The following MARCHF4 variants were observed in gnomAD, a reference collection of about 807,000 sequenced individuals.
MARCHF4 encodes the protein E3 ubiquitin-protein ligase MARCHF4.
A neutral mutation model predicts 43.9 loss-of-function variants in MARCHF4; 14 were observed. The ratio of observed to expected loss-of-function variants is 0.32; its 90% CI spans 0.21 to 0.50. The LOEUF is 0.50. MARCHF4 is among the 20% of genes least tolerant of loss of function. MARCHF4 has a pLI of 0.98. For missense variants in MARCHF4, 468 were observed against 536.7 expected (o/e 0.87, Z 1.27); for synonymous variants, 226 against 213.3 (o/e 1.06, Z -0.52).
chr2:216,269,372 C>T (rs759825298), intron 3 of MARCHF4, among the ~76,000 whole-genome samples: 1 of 149,408 alleles, frequency 6.7e-6, no homozygotes, highest in Admixed American at 7.2e-5. Context: ...CAGAGGACAG[C>T]GTCATTAGAG....
In MARCHF4 at chr2:216,326,105, A is replaced by C. The variant is rs1231296619; in HGVS notation, c.517-42376T>G. 1.4e-5 allele frequency among the ~76,000 whole-genome samples: 2 copies of C among 146,728 alleles called. 1 individual carries two copies. The highest frequency in any genetic ancestry group is 4.4e-4 in the South Asian group (2 of 4,504). ...CCAGAATCTACAATGAACTCAAACA[A>C]ATTTACAAGAAAAAAACAAACAACC... On this transcript the variant is annotated intron_variant, in intron 1 of 3. Coordinates refer to ENST00000273067, the MANE Select transcript of MARCHF4 (RefSeq NM_020814.3).
intron 1 of MARCHF4, among the ~76,000 whole-genome samples, chr2:216,298,269 T>G (rs1006363088): frequency 4.2e-5 from 6 of 141,706 alleles, no homozygotes; most frequent in African/African-American, 7.9e-5. Flanking sequence ...TTTTTTTTTT[T>G]TTTTTTTTTT....
At position 216,277,712 on chromosome 2, in the gene MARCHF4, G is replaced by A. The variant is rs1691049834; in HGVS notation, c.825C>T (p.Ile275=). Residue 275 remains isoleucine, a synonymous_variant, in exon 3 of 4, where the codon ATC becomes ATT. Transcript: ENST00000273067. ...CCATGAAGCCATACATCCCGTAGCAGATCTGGAAGAGAAGGTCTTGGCGCT... is the reference window on the plus strand; with the variant it reads ...CCATGAAGCCATACATCCCGTAGCAAATCTGGAAGAGAAGGTCTTGGCGCT... The part of the protein sequence containing the change: ...RWQRQDLLFQ[I]CYGMYGFMDV... 6.2e-7 allele frequency: 1 copy of A among 1,614,038 alleles called. No individual in the cohort carries two copies. The highest frequency in any genetic ancestry group is 8.5e-7 in the Non-Finnish European group (1 of 1,179,896).
chr2:216,260,866 TG>T (rs1690732421), intron 3 of MARCHF4, among the ~76,000 whole-genome samples: 1 of 152,198 alleles, frequency 6.6e-6, no homozygotes, highest in African/African-American at 2.4e-5. Flanking sequence ...TCATGCGGGT[TG>T]GAAATGGTGA....
intron 1 of MARCHF4, among the ~76,000 whole-genome samples, chr2:216,317,361 C>G (rs1369952814): frequency 6.6e-6 from 1 of 152,224 alleles, no homozygotes; most frequent in African/African-American, 2.4e-5. Flanking sequence ...AACCCCCTCT[C>G]CTCCCATGAG....
intron 1 of MARCHF4, among the ~76,000 whole-genome samples, chr2:216,289,188 C>T (rs1021707241): frequency 2.6e-5 from 4 of 151,582 alleles, no homozygotes; most frequent in African/African-American, 7.3e-5. Flanking sequence ...TTTATATTAA[C>T]GAGCTTTACT....
chr2:216,272,722 T>C (rs1484028001), intron 3 of MARCHF4, among the ~76,000 whole-genome samples: 1 of 152,248 alleles, frequency 6.6e-6, no homozygotes, highest in Non-Finnish European at 1.5e-5. Context: ...TCACAGTTTG[T>C]TCCATCCAAA....
At chr2:216,288,110 A>C (rs1289523387) in intron 1 of MARCHF4, among the ~76,000 whole-genome samples, 1 of 152,166 alleles carries the variant, frequency 6.6e-6, no homozygotes, top group East Asian at 1.9e-4. Flanking sequence ...CTACAGGCAC[A>C]TGCCACCATG....
intron 3 of MARCHF4, among the ~76,000 whole-genome samples, chr2:216,266,407 A>G (rs540796076): frequency 1.3e-5 from 2 of 152,058 alleles, no homozygotes; most frequent in East Asian, 3.8e-4. Flanking sequence ...AGAAAAGCCC[A>G]CTCATCTCTC....
rs12478497 is a variant in MARCHF4 at position 216,296,324 on chromosome 2, C to T, written c.517-12595G>A. Among the ~76,000 whole-genome samples, 529 of 152,236 alleles carry T rather than the reference C, an allele frequency of 3.5e-3. 1 individual carries two copies. The highest frequency in any genetic ancestry group is 9.5e-3 in the African/African-American group (394 of 41,538). ...TCGTGCCACTGCACTCCAGTCTGGG[C>T]GACAGAGCGAGACTCCATCTCAAAC... On this transcript the variant is annotated intron_variant, in intron 1 of 3. Coordinates refer to ENST00000273067, the MANE Select transcript of MARCHF4 (RefSeq NM_020814.3).
intron 1 of MARCHF4, among the ~76,000 whole-genome samples, chr2:216,342,501 T>G (rs1692252848): frequency 6.6e-6 from 1 of 152,136 alleles, no homozygotes; most frequent in South Asian, 2.1e-4. Flanking sequence ...AGGACAGGTC[T>G]GCAGAGGGAC....
chr2:216,281,410 C>A (rs1574462563), intron 2 of MARCHF4, among the ~76,000 whole-genome samples: 1 of 152,294 alleles, frequency 6.6e-6, no homozygotes, highest in Non-Finnish European at 1.5e-5. Flanking sequence ...GGTAAGAGAA[C>A]CAGGAGACCT....
intron 1 of MARCHF4, among the ~76,000 whole-genome samples, chr2:216,338,577 G>A (rs968819330): frequency 6.6e-6 from 1 of 152,224 alleles, no homozygotes; most frequent in East Asian, 1.9e-4. Context: ...CTCCAGCTTA[G>A]GCACTGCCTT....
At chr2:216,287,013 G>A (rs760767170) in intron 1 of MARCHF4, among the ~76,000 whole-genome samples, 19 of 152,148 alleles carry the variant, frequency 1.2e-4, no homozygotes, top group Admixed American at 5.9e-4. Flanking sequence ...TCACACGGGC[G>A]TCAGACGCTG....
rs374432723 is a variant in MARCHF4, at chr2:216,259,546, G to A, written c.999C>T (p.Asn333=). 1.3e-4 allele frequency: 209 copies of A among 1,614,094 alleles called. No individual in the cohort carries two copies. The highest frequency in any genetic ancestry group is 1.6e-4 in the Non-Finnish European group (193 of 1,180,040). ...CCTGGGTGGATGAGGAGGTCCGGGG[G>A]TTGGTCCTGCCTCCTGCCTTTTGAT... ...LEDQKAGGRT[N]PRTSSSTQAN... Residue 333 remains asparagine, a synonymous_variant, in exon 4 of 4, where the codon AAC becomes AAT. Transcript: ENST00000273067.
chr2:216,286,733 C>T (rs1691224485), intron 1 of MARCHF4, among the ~76,000 whole-genome samples: 1 of 152,138 alleles, frequency 6.6e-6, no homozygotes, highest in South Asian at 2.1e-4. Flanking sequence ...GGGGAAAGCC[C>T]ATCATCTTTT....
At chr2:216,317,425 T>C (rs919546416) in intron 1 of MARCHF4, among the ~76,000 whole-genome samples, 8 of 152,168 alleles carry the variant, frequency 5.3e-5, no homozygotes, top group Non-Finnish European at 1.2e-4. Flanking sequence ...TTTTTTGTTT[T>C]TTTTTAGAAA....
intron 3 of MARCHF4, among the ~76,000 whole-genome samples, chr2:216,261,535 G>T (rs1443368765): frequency 6.6e-6 from 1 of 152,134 alleles, no homozygotes; most frequent in African/African-American, 2.4e-5. Context: ...ACATTGACAG[G>T]TTCAGGGATT....
chr2:216,337,691 C>T (rs1692178912), intron 1 of MARCHF4, among the ~76,000 whole-genome samples: 6 of 152,180 alleles, frequency 3.9e-5, no homozygotes, highest in Admixed American at 3.9e-4. Flanking sequence ...TCTCATTTTC[C>T]TTGACCTTCA....
Sources: gnomAD v4.1 joint callset for allele counts (sites outside exome capture counted in the v4.1 genomes callset) on GRCh38, gnomAD v4.1.1 for gene constraint, MANE v1.5 for transcripts, NCBI Gene and HGNC (gene_info 2026-07-23, HGNC 2026-07-21) for gene names.